NOX4: variants seen among roughly 807,000 people sequenced by gnomAD.
NOX4 encodes the protein NADPH oxidase 4.
A neutral mutation model predicts 87.6 loss-of-function variants in NOX4; 69 were observed. That is an observed-to-expected ratio of 0.79 (90% CI 0.65 to 0.96). The LOEUF (loss-of-function observed/expected upper bound fraction) is 0.96, where lower values mean the gene tolerates loss of function less well. Among genes scored for constraint, NOX4 ranks in the 40% least tolerant of loss-of-function variants. The pLI, the probability that NOX4 is intolerant of heterozygous loss-of-function variation, is 0.00. For synonymous variants in NOX4, 275 were observed against 238.2 expected (o/e 1.15, Z -1.42); for missense variants, 680 against 681.5 (o/e 1.00, Z 0.02).
chr11:89,422,882 C>A (rs938251968), intron 7 of NOX4, among the ~76,000 whole-genome samples: 8 of 150,120 alleles, frequency 5.3e-5, no homozygotes, highest in African/African-American at 2.0e-4. Context: ...TCACTGCAAC[C>A]TCCACCTTCC....
chr11:89,427,109 C>G (rs1943463827), intron 7 of NOX4, among the ~76,000 whole-genome samples: 1 of 152,164 alleles, frequency 6.6e-6, no homozygotes, highest in African/African-American at 2.4e-5. Flanking sequence ...CCCAGGCAAA[C>G]AGCATCTGGA....
the NOX4 span, among the ~76,000 whole-genome samples, chr11:89,587,707 GT>G: frequency 2.6e-5 from 4 of 152,038 alleles, no homozygotes; most frequent in African/African-American, 9.7e-5. Context: ...GTTAAAAATG[GT>G]TTATGTGTTC....
At chr11:89,501,302 C>T (rs968249045), upstream of NOX4, among the ~76,000 whole-genome samples, 1 of 151,994 alleles carries the variant, frequency 6.6e-6, no homozygotes. Flanking sequence ...GAAAAGCTAA[C>T]TGTTTCCATA....
At chr11:89,327,523 A>C (rs1565162438) in intron 17 of NOX4, among the ~76,000 whole-genome samples, 2 of 152,206 alleles carry the variant, frequency 1.3e-5, no homozygotes, top group Admixed American at 6.5e-5. Flanking sequence ...AAATTTTAGT[A>C]GTTAAATAAT....
chr11:89,413,226 G>C (rs1008257862), intron 8 of NOX4, among the ~76,000 whole-genome samples: 2 of 152,152 alleles, frequency 1.3e-5, no homozygotes, highest in Non-Finnish European at 2.9e-5. Context: ...TACACTGTTG[G>C]TGGGAATGTA....
chr11:89,506,870 A>G, the NOX4 span, among the ~76,000 whole-genome samples: 4 of 151,970 alleles, frequency 2.6e-5, no homozygotes, highest in South Asian at 4.1e-4. Flanking sequence ...ACAATGTGAT[A>G]GCACTACATA....
chr11:89,469,507 C>G (rs1365295620), intron 2 of NOX4, among the ~76,000 whole-genome samples: 2 of 152,180 alleles, frequency 1.3e-5, no homozygotes, highest in Non-Finnish European at 2.9e-5. Context: ...GATGCCCATA[C>G]AAAGCCTAAT....
At chr11:89,328,856 AAGTGCATGCAC>A (rs1208403221) in intron 17 of NOX4, among the ~76,000 whole-genome samples, 2 of 152,108 alleles carry the variant, frequency 1.3e-5, no homozygotes, top group Non-Finnish European at 2.9e-5. Flanking sequence ...GACACCAGGG[AAGTGCATGCAC>A]AGAGAAAAAG....
At chr11:89,453,085 T>G (rs1019486485) in intron 2 of NOX4, among the ~76,000 whole-genome samples, 7 of 152,114 alleles carry the variant, frequency 4.6e-5, no homozygotes, top group Non-Finnish European at 1.0e-4. Context: ...CTTAGCTATT[T>G]TGAAAAATAC....
intron 2 of NOX4, among the ~76,000 whole-genome samples, chr11:89,477,697 TTTATGGAAATAATTCACTG>T (rs1161492895): frequency 6.6e-6 from 1 of 152,160 alleles, no homozygotes; most frequent in Admixed American, 6.6e-5. Context: ...CTTTTTTGTT[TTTATGGAAATAATTCACTG>T]TTACTCTCCT....
At chr11:89,459,603 G>A (rs1002083706) in intron 2 of NOX4, among the ~76,000 whole-genome samples, 6 of 151,904 alleles carry the variant, frequency 3.9e-5, no homozygotes, top group Admixed American at 1.3e-4. Context: ...AACTTACAAG[G>A]GATGTGAAGG....
At chr11:89,516,091 T>C in the NOX4 span, among the ~76,000 whole-genome samples, 5 of 152,046 alleles carry the variant, frequency 3.3e-5, no homozygotes, top group East Asian at 9.7e-4. Flanking sequence ...ATGTTCTTTA[T>C]TAATTTCTTT....
rs201859016 is a variant in NOX4, at chr11:89,405,624, C to CAAA, written c.630-3085_630-3083dup. ...GACAGACAATGATAAAATCATTCAT[C>CAAA]AAAAAAAAAAAAACTCAAGTATGAC... is the stretch of plus-strand genomic sequence containing the variant. On this transcript the variant is annotated intron_variant, in intron 8 of 17. Transcript: ENST00000263317. Among the ~76,000 whole-genome samples the CAAA allele has an allele frequency of 2.8e-3, 378 of 135,882 alleles. 1 individual carries two copies. Among genetic ancestry groups the CAAA allele is most frequent in the African/African-American group, 9.8e-3 (360 of 36,886 alleles). 89.1% of individuals were successfully genotyped at this position (135,882 alleles called of 152,430 possible).
At chr11:89,413,598 C>T (rs1219285824) in intron 8 of NOX4, among the ~76,000 whole-genome samples, 3 of 152,180 alleles carry the variant, frequency 2.0e-5, no homozygotes, top group Admixed American at 6.5e-5. Context: ...CACACGTTCT[C>T]ACTTATTTGT....
chr11:89,524,355 A>C, the NOX4 span, among the ~76,000 whole-genome samples: 2 of 152,176 alleles, frequency 1.3e-5, no homozygotes, highest in African/African-American at 2.4e-5. Flanking sequence ...AAAATAATGT[A>C]AGGAAAAAGG....
chr11:89,335,532 G>A (rs1232338267), intron 17 of NOX4, among the ~76,000 whole-genome samples: 1 of 151,532 alleles, frequency 6.6e-6, no homozygotes, highest in Non-Finnish European at 1.5e-5. Context: ...ACTTTTCCTA[G>A]GATCACCTGA....
chr11:89,453,634 A>T (rs1945061855), intron 2 of NOX4, among the ~76,000 whole-genome samples: 1 of 152,192 alleles, frequency 6.6e-6, no homozygotes, highest in Non-Finnish European at 1.5e-5. Flanking sequence ...ATCAATTTAC[A>T]CTTATTAATA....
rs1233567500 is a variant in NOX4, at chr11:89,421,949, A to G, written c.582T>C (p.His194=). The G allele has an allele frequency of 1.3e-6, 2 of 1,568,268 alleles. No individual in the cohort carries two copies. Among genetic ancestry groups the G allele is most frequent in the African/African-American group, 2.8e-5 (2 of 71,972 alleles). ...VSNYDIFWYT[H]NLFFVFYMLL... ...GCATGTAGAAGACAAAGAAGAGGTT[A>G]TGAGTATACCAGAAGATATCATAGT... Residue 194 remains histidine, a synonymous_variant, in exon 8 of 18, where the codon CAT becomes CAC. Coordinates refer to ENST00000263317, the MANE Select transcript of NOX4 (RefSeq NM_016931.5).
chr11:89,389,639 A>G (rs1223781681), intron 11 of NOX4, among the ~76,000 whole-genome samples: 1 of 152,182 alleles, frequency 6.6e-6, no homozygotes, highest in Non-Finnish European at 1.5e-5. Context: ...AATAAACCTC[A>G]GTTCGAAATG....
Sources: gnomAD v4.1 joint callset for allele counts (sites outside exome capture counted in the v4.1 genomes callset) on GRCh38, gnomAD v4.1.1 for gene constraint, MANE v1.5 for transcripts, NCBI Gene and HGNC (gene_info 2026-07-23, HGNC 2026-07-21) for gene names.